The following PPP2R5C variants were observed in gnomAD, a reference collection of about 807,000 sequenced individuals.
PPP2R5C encodes the protein protein phosphatase 2 regulatory subunit B'gamma.
PPP2R5C carries 7 observed loss-of-function variants against 68.9 expected under a neutral mutation model. The ratio of observed to expected loss-of-function variants is 0.10; its 90% confidence interval spans 0.06 to 0.19. PPP2R5C has a LOEUF of 0.19. PPP2R5C is among the 10% of genes least tolerant of loss of function. PPP2R5C has a pLI of 1.00. For synonymous variants in PPP2R5C, 210 were observed against 222.2 expected (o/e 0.95, Z 0.49); for missense variants, 348 against 641.3 (o/e 0.54, Z 4.94).
chr14:101,901,661 C>CTA, intron 8 of PPP2R5C, 58 bp from the exon 11 acceptor site: 1 of 1,555,670 alleles, frequency 6.4e-7, no homozygotes, highest in Non-Finnish European at 8.8e-7. Flanking sequence ...GACTTCTTAC[C>CTA]ATGCAGGTGT....
At position 101,877,379 on chromosome 14, in the gene PPP2R5C, G is replaced by A. The variant is rs2043849950; in HGVS notation, c.295-4782G>A. Among the ~76,000 whole-genome samples the A allele has an allele frequency of 6.6e-6, 1 of 152,188 alleles. No homozygotes were observed. Among genetic ancestry groups the A allele is most frequent in the African/African-American group, 2.4e-5 (1 of 41,438 alleles). ...CTGTGCTGCCTTTGTTGGGCAGCGT[G>A]ATTCTGCGTCTGTGCCTCTGGGTGT... On this transcript the variant is annotated intron_variant, in intron 2 of 13. Coordinates refer to ENST00000334743, the Ensembl canonical transcript of PPP2R5C. The surrounding 1 kb of genome is among the most constrained non-coding windows in gnomAD (Gnocchi z 4.2).
intron 1 of PPP2R5C, among the ~76,000 whole-genome samples, chr14:101,831,286 A>G: frequency 6.6e-6 from 1 of 152,218 alleles, no homozygotes; most frequent in East Asian, 1.9e-4. Context: ...GCTTATATTT[A>G]TATATGACAT....
At chr14:101,861,412 A>G (rs142960892) in intron 2 of PPP2R5C, among the ~76,000 whole-genome samples, 1 of 152,176 alleles carries the variant, frequency 6.6e-6, no homozygotes, top group Non-Finnish European at 1.5e-5. Context: ...TACTGCTAAG[A>G]CTTTAATTGA....
rs2040341222 is a variant in PPP2R5C, at chr14:101,825,447, G to A, written c.94+15411G>A. 6.6e-6 allele frequency among the ~76,000 whole-genome samples: 1 copy of A among 152,222 alleles called. No homozygotes were observed. The highest frequency in any genetic ancestry group is 1.5e-5 in the Non-Finnish European group (1 of 68,010). On this transcript the variant is annotated intron_variant, in intron 1 of 13. Coordinates refer to ENST00000334743, the Ensembl canonical transcript of PPP2R5C. This position sits in a 1 kb window ranked among gnomAD's most constrained non-coding sequence, Gnocchi z 4.0. Reference sequence around the variant, plus strand: ...TTTAAGATTTGAGACTTGGCCAAAAGGTAGCTTTCCTAGTCCTTATCGTAG... The same window carrying A: ...TTTAAGATTTGAGACTTGGCCAAAAAGTAGCTTTCCTAGTCCTTATCGTAG...
intron 2 of PPP2R5C, among the ~76,000 whole-genome samples, chr14:101,869,450 T>C (rs114394210): frequency 0.012 from 1,840 of 152,282 alleles, 44 homozygotes; most frequent in African/African-American, 0.042. Context: ...CACATAGGGA[T>C]GCAATCGCTA....
chr14:101,876,226 C>G (rs1251869930), intron 2 of PPP2R5C, among the ~76,000 whole-genome samples: 2 of 152,174 alleles, frequency 1.3e-5, no homozygotes, highest in Admixed American at 1.3e-4. Context: ...TAGAACCTAA[C>G]AGTTCCATCA....
At chr14:101,860,708 C>T (rs1352236222) in intron 2 of PPP2R5C, among the ~76,000 whole-genome samples, 1 of 152,198 alleles carries the variant, frequency 6.6e-6, no homozygotes, top group Admixed American at 6.5e-5. Flanking sequence ...TGTTTTATTA[C>T]AGCCGTCCTA....
chr14:101,881,658 C>G (rs555570070), intron 2 of PPP2R5C, among the ~76,000 whole-genome samples: 1 of 152,356 alleles, frequency 6.6e-6, no homozygotes, highest in South Asian at 2.1e-4. Context: ...CCCACTCTGA[C>G]TGTTGCTTTC....
At chr14:101,812,793 C>A (rs538179813) in intron 1 of PPP2R5C, among the ~76,000 whole-genome samples, 1 of 152,288 alleles carries the variant, frequency 6.6e-6, no homozygotes, top group South Asian at 2.1e-4. Context: ...CCCAGCTTTC[C>A]CAGTTTACCA....
At chr14:101,770,873 G>A (rs920169609) in intron 2 of PPP2R5C, among the ~76,000 whole-genome samples, 3 of 152,202 alleles carry the variant, frequency 2.0e-5, no homozygotes, top group Non-Finnish European at 4.4e-5. Context: ...CATGAAATGC[G>A]GTGATGTTTT....
At chr14:101,889,309 G>A (rs544334849) in intron 5 of PPP2R5C, among the ~76,000 whole-genome samples, 6 of 152,268 alleles carry the variant, frequency 3.9e-5, no homozygotes, top group African/African-American at 9.6e-5. Flanking sequence ...GATACCCCTC[G>A]TGGACTGCTC....
Position 101,896,299 on chromosome 14 carries a change from C to T in PPP2R5C, c.852+1739C>T, listed in dbSNP as rs539365814. 1.1e-4 allele frequency among the ~76,000 whole-genome samples: 16 copies of T among 152,040 alleles called. No individual in the cohort carries two copies. In the East Asian group the frequency reaches 2.3e-3, roughly 22 times the overall value. On this transcript the variant is annotated intron_variant, in intron 8 of 13. Transcript: ENST00000334743. Reference sequence around the variant, plus strand: ...CCTCCCAAAGTGCTAGGATAACAGGCGTAAGCCACCACACCCGACCTGTTG... The same window carrying T: ...CCTCCCAAAGTGCTAGGATAACAGGTGTAAGCCACCACACCCGACCTGTTG...
At chr14:101,827,978 T>C (rs2040497867) in intron 1 of PPP2R5C, among the ~76,000 whole-genome samples, 1 of 152,200 alleles carries the variant, frequency 6.6e-6, no homozygotes, top group Non-Finnish European at 1.5e-5. Context: ...CTGATCTTAT[T>C]TGTATGTTAG....
intron 3 of PPP2R5C, among the ~76,000 whole-genome samples, chr14:101,787,889 C>T (rs1168516458): frequency 1.3e-5 from 2 of 151,672 alleles, no homozygotes; most frequent in African/African-American, 4.9e-5. Context: ...TATTATTAGT[C>T]TTCCTCTTCC....
chr14:101,842,549 G>A (rs2041544150), intron 1 of PPP2R5C, among the ~76,000 whole-genome samples: 1 of 152,146 alleles, frequency 6.6e-6, no homozygotes, highest in South Asian at 2.1e-4. Context: ...CAGGCATGAG[G>A]GTACTGTACT....
intron 8 of PPP2R5C, among the ~76,000 whole-genome samples, chr14:101,895,012 GATC>G (rs1463914089): frequency 2.6e-5 from 4 of 152,282 alleles, no homozygotes; most frequent in Admixed American, 2.6e-4. Context: ...ACTATTTTAT[GATC>G]ATTGAATCAC....
At chr14:101,800,999 C>T (rs1179979570) in intron 3 of PPP2R5C, among the ~76,000 whole-genome samples, 1 of 152,052 alleles carries the variant, frequency 6.6e-6, no homozygotes, top group Non-Finnish European at 1.5e-5. Context: ...TGATCTTACT[C>T]ATGTGGGAGG....
At chr14:101,881,540 T>C (rs966258061) in intron 2 of PPP2R5C, among the ~76,000 whole-genome samples, 5 of 152,206 alleles carry the variant, frequency 3.3e-5, no homozygotes, top group African/African-American at 1.2e-4. Flanking sequence ...CTGAGAGAAA[T>C]CTAACAGCCC....
intron 2 of PPP2R5C, among the ~76,000 whole-genome samples, chr14:101,779,020 A>T (rs564881338): frequency 2.0e-5 from 3 of 152,186 alleles, no homozygotes; most frequent in Admixed American, 1.3e-4. Context: ...TGGTTGTGCA[A>T]TTGCACTCCA....
Sources: gnomAD v4.1 joint callset for allele counts (sites outside exome capture counted in the v4.1 genomes callset) on GRCh38, gnomAD v4.1.1 for gene constraint, Gnocchi (gnomAD v3.1) non-coding constraint, MANE v1.5 for transcripts, NCBI Gene and HGNC (gene_info 2026-07-23, HGNC 2026-07-21) for gene names.